DOCK5: variants seen among roughly 807,000 people sequenced by gnomAD.
DOCK5 encodes the protein dedicator of cytokinesis protein 5.
A neutral mutation model predicts 251.8 loss-of-function variants in DOCK5; 142 were observed. The ratio of observed to expected loss-of-function variants is 0.56; its 90% CI spans 0.49 to 0.65. DOCK5 has a LOEUF of 0.65. DOCK5 is among the 30% of genes least tolerant of loss of function. The pLI is 0.00. For missense variants in DOCK5, 2,111 were observed against 2,312.3 expected (o/e 0.91, Z 1.79); for synonymous variants, 842 against 835.5 (o/e 1.01, Z -0.13).
intron 27 of DOCK5, among the ~76,000 whole-genome samples, chr8:25,356,668 A>G (rs1237618221): frequency 6.6e-6 from 1 of 152,086 alleles, no homozygotes; most frequent in African/African-American, 2.4e-5. Context: ...CCCTGTCTCA[A>G]AGAAAGAAAA....
chr8:25,373,220 G>A (rs1800906016), intron 35 of DOCK5, among the ~76,000 whole-genome samples: 2 of 151,950 alleles, frequency 1.3e-5, no homozygotes, highest in Non-Finnish European at 2.9e-5. Context: ...GGATGGTCTC[G>A]ATCTCCTGAC....
At chr8:25,211,002 G>T (rs1258267364) in intron 1 of DOCK5, among the ~76,000 whole-genome samples, 1 of 70,182 alleles carries the variant, frequency 1.4e-5, no homozygotes, top group East Asian at 3.1e-4. Context: ...AATAATAATG[G>T]TTATTGATAA....
intron 44 of DOCK5, 78 bp from the exon 45 acceptor site, chr8:25,395,465 A>C (rs1801329589): frequency 1.4e-5 from 21 of 1,459,266 alleles, no homozygotes; most frequent in Admixed American, 8.6e-5. Context: ...TACCTCTTCA[A>C]GGGAAGAGTT....
chr8:25,368,498 T>C lies in DOCK5; in HGVS notation c.3284-73T>C, dbSNP rs992586764. The C allele has an allele frequency of 8.0e-6, 12 of 1,497,264 alleles. No individual in the cohort carries two copies. The African/African-American group carries it at 1.5e-4, about 19-fold the overall frequency. The allele number at this position is 1,497,264 out of a possible 1,614,324, so 92.7% of individuals were successfully genotyped here. On this transcript the variant is annotated intron_variant, in intron 32 of 51. Coordinates refer to ENST00000276440, the MANE Select transcript of DOCK5 (RefSeq NM_024940.8). ...TTAACCTTTTCTTTTCTTATGGAAC[T>C]TGTGGAGGAAGATTTTAACACTTTA...
At chr8:25,341,137 A>AG (rs1470471434) in intron 23 of DOCK5, 149 bp downstream of exon 23, 11 of 593,422 alleles carry the variant, frequency 1.9e-5, no homozygotes, top group Non-Finnish European at 3.1e-5. Context: ...CAGAAAATAA[A>AG]GGAAAAAAAA....
intron 1 of DOCK5, among the ~76,000 whole-genome samples, chr8:25,223,507 G>A (rs909009129): frequency 2.0e-5 from 3 of 152,140 alleles, no homozygotes; most frequent in African/African-American, 7.2e-5. Flanking sequence ...TAGAGATGAG[G>A]TCTCGCTCTG....
At chr8:25,221,117 T>TC (rs202016629) in intron 1 of DOCK5, among the ~76,000 whole-genome samples, 223 of 152,088 alleles carry the variant, frequency 1.5e-3, no homozygotes, top group African/African-American at 4.7e-3. Flanking sequence ...CATTTTTCAG[T>TC]CCCCCCCATT....
Position 25,190,775 on chromosome 8 carries a change from G to GTTTTTTTTTTTTTTTTTTTTTTTT in DOCK5, c.43+5824_43+5825insTTTTTTTTTTTTTTTTTTTTTTTT, listed in dbSNP as rs755511798. On this transcript the variant is annotated intron_variant, in intron 1 of 51. Transcript: ENST00000276440. The stretch of plus-strand genomic sequence containing the variant: ...AAGGCCTGGCCTTAACTTGGTCATG[G>GTTTTTTTTTTTTTTTTTTTTTTTT]GTTTTTTTTTTTTTTTTTTTTTTTT... 3.5e-4 allele frequency among the ~76,000 whole-genome samples: 19 copies of GTTTTTTTTTTTTTTTTTTTTTTTT among 53,980 alleles called. 8 individuals are homozygous for GTTTTTTTTTTTTTTTTTTTTTTTT. The highest frequency in any genetic ancestry group is 5.7e-4 in the Non-Finnish European group (17 of 30,060). 35.4% of individuals were successfully genotyped at this position (53,980 alleles called of 152,430 possible).
At chr8:25,340,568 G>A (rs995236946) in intron 22 of DOCK5, among the ~76,000 whole-genome samples, 3 of 152,218 alleles carry the variant, frequency 2.0e-5, no homozygotes, top group African/African-American at 7.2e-5. Context: ...AGGCAAGCAT[G>A]TATCAGCGAA....
intron 16 of DOCK5, among the ~76,000 whole-genome samples, chr8:25,323,163 T>A (rs944707987): frequency 3.9e-5 from 6 of 152,140 alleles, no homozygotes; most frequent in Non-Finnish European, 5.9e-5. Context: ...AGAGGAGCTC[T>A]GCCTCCTCAT....
intron 14 of DOCK5, 161 bp downstream of exon 14, chr8:25,317,292 G>A (rs1805278178): frequency 3.8e-6 from 4 of 1,043,314 alleles, no homozygotes; most frequent in Non-Finnish European, 4.1e-6. Context: ...GCAGTGAGCA[G>A]TTTCACTAAG....
At chr8:25,332,163 T>G (rs1805697289) in intron 18 of DOCK5, 88 bp from the exon 19 acceptor site, 1 of 917,682 alleles carries the variant, frequency 1.1e-6, no homozygotes, top group African/African-American at 1.7e-5. Context: ...TGAGAGCAAT[T>G]ACCTGTTCTA....
At chr8:25,220,664 T>C (rs1253994175) in intron 1 of DOCK5, among the ~76,000 whole-genome samples, 1 of 152,032 alleles carries the variant, frequency 6.6e-6, no homozygotes. Flanking sequence ...CAGGTTGGAG[T>C]ATAGTGGCGC....
chr8:25,306,240 C>T (rs1317692079), intron 11 of DOCK5, among the ~76,000 whole-genome samples: 1 of 152,104 alleles, frequency 6.6e-6, no homozygotes, highest in African/African-American at 2.4e-5. Context: ...TATTGACCTT[C>T]CAAGACGAGA....
At chr8:25,231,586 C>T (rs558034062) in intron 1 of DOCK5, among the ~76,000 whole-genome samples, 58 of 152,268 alleles carry the variant, frequency 3.8e-4, no homozygotes, top group African/African-American at 1.1e-3. Context: ...TTTGTTTTTG[C>T]AAATGCCTTA....
At chr8:25,243,081 G>A (rs2117545411) in intron 1 of DOCK5, among the ~76,000 whole-genome samples, 1 of 152,244 alleles carries the variant, frequency 6.6e-6, no homozygotes, top group African/African-American at 2.4e-5. Flanking sequence ...TTATTTCTGT[G>A]ATTATATATT....
chr8:25,332,203 T>G (rs1232126372), intron 18 of DOCK5, 48 bp from the exon 19 acceptor site: 1 of 1,433,470 alleles, frequency 7.0e-7, no homozygotes, highest in Non-Finnish European at 9.8e-7. Context: ...CCTGAAATGG[T>G]CTGGGTTGTT....
At chr8:25,229,973 C>T (rs1802628016) in intron 1 of DOCK5, among the ~76,000 whole-genome samples, 1 of 152,114 alleles carries the variant, frequency 6.6e-6, no homozygotes, top group African/African-American at 2.4e-5. Context: ...AAGCAAGCTA[C>T]TTTATTCAGG....
At chr8:25,327,770 A>G (rs1357668964) in intron 18 of DOCK5, among the ~76,000 whole-genome samples, 1 of 152,208 alleles carries the variant, frequency 6.6e-6, no homozygotes, top group African/African-American at 2.4e-5. Flanking sequence ...GACAAAAGGT[A>G]CAAAAGCTCA....
Sources: gnomAD v4.1 joint callset for allele counts (sites outside exome capture counted in the v4.1 genomes callset) on GRCh38, gnomAD v4.1.1 for gene constraint, MANE v1.5 for transcripts, NCBI Gene and HGNC (gene_info 2026-07-23, HGNC 2026-07-21) for gene names.